DIP2A: variants seen among roughly 807,000 people sequenced by gnomAD.
DIP2A encodes disco-interacting protein 2 homolog A.
Under a neutral mutation model 177.4 loss-of-function variants are expected in DIP2A, and 85 were observed. The ratio of observed to expected loss-of-function variants is 0.48; its 90% CI spans 0.40 to 0.57. DIP2A has a LOEUF of 0.57. Among genes scored for constraint, DIP2A ranks in the 20% least tolerant of loss-of-function variants. DIP2A has a pLI of 0.00. For missense variants in DIP2A, 1,791 were observed against 2,100.2 expected, an observed-to-expected ratio of 0.85 and a Z score of 2.88; for synonymous variants, 886 against 881.8, an observed-to-expected ratio of 1.00 and a Z score of -0.08.
At chr21:46,528,527 C>CTTTTTTTTTTTTTTTTTTTTTTTTTT (rs1162872343) in intron 8 of DIP2A, among the ~76,000 whole-genome samples, 1 of 29,408 alleles carries the variant, frequency 3.4e-5, no homozygotes, top group Non-Finnish European at 5.6e-5. Flanking sequence ...TTTCTGCTTG[C>CTTTTTTTTTTTTTTTTTTTTTTTTTT]TTTTTTTTTT....
At chr21:46,514,776 T>C (rs911057253) in intron 8 of DIP2A, among the ~76,000 whole-genome samples, 4 of 152,084 alleles carry the variant, frequency 2.6e-5, no homozygotes, top group Admixed American at 6.5e-5. Flanking sequence ...TTCTGTAGTT[T>C]TGTTTGCTTG....
At chr21:46,518,729 C>T (rs1352071836) in intron 8 of DIP2A, among the ~76,000 whole-genome samples, 2 of 152,134 alleles carry the variant, frequency 1.3e-5, no homozygotes, top group Non-Finnish European at 2.9e-5. Flanking sequence ...TGGTGGCATG[C>T]GCCTATAGTC....
chr21:46,468,591 T>C (rs1240832808), intron 1 of DIP2A, among the ~76,000 whole-genome samples: 5 of 152,170 alleles, frequency 3.3e-5, no homozygotes, highest in African/African-American at 1.2e-4. Flanking sequence ...GTTTCAGTTA[T>C]ACAGGATGAG....
intron 20 of DIP2A, 102 bp downstream of exon 20, chr21:46,546,063 A>AC: frequency 1.9e-6 from 3 of 1,579,442 alleles, no homozygotes; most frequent in Non-Finnish European, 2.6e-6. Flanking sequence ...GCCGTTCCTG[A>AC]CCTCCCATGT....
In DIP2A at chr21:46,569,387, G is replaced by A. The variant is rs2060919889; in HGVS notation, c.*1765G>A. On this transcript the variant is annotated 3_prime_UTR_variant, in exon 38 of 38. Transcript: ENST00000417564. ...TGGAATTCTAATAATCCTGTTGTAAGTATGTACAGAATCTATGTAACTTAT... is the reference window on the plus strand; with the variant it reads ...TGGAATTCTAATAATCCTGTTGTAAATATGTACAGAATCTATGTAACTTAT... 6.6e-6 allele frequency: 1 copy of A among 151,630 alleles called. No homozygotes were observed. The highest frequency in any genetic ancestry group is 1.5e-5 in the Non-Finnish European group (1 of 67,984). 9.4% of individuals were successfully genotyped at this position (151,630 alleles called of 1,614,324 possible). A position where few individuals can be genotyped will look rare whatever the true frequency, so the allele number is the denominator to read the frequency against.
At chr21:46,581,871 G>A in the DIP2A span, among the ~76,000 whole-genome samples, 23 of 152,288 alleles carry the variant, frequency 1.5e-4, no homozygotes, top group Admixed American at 9.8e-4. Context: ...GAACGCTCCC[G>A]TATAAGATTC....
chr21:46,575,717 G>A, the DIP2A span, among the ~76,000 whole-genome samples: 1 of 152,134 alleles, frequency 6.6e-6, no homozygotes, highest in Non-Finnish European at 1.5e-5. Flanking sequence ...AAAATGAAAA[G>A]TACAAAACAT....
intron 1 of DIP2A, among the ~76,000 whole-genome samples, chr21:46,463,447 A>G (rs942987302): frequency 3.3e-5 from 5 of 152,218 alleles, no homozygotes; most frequent in Non-Finnish European, 5.9e-5. Context: ...AAATTCCTAC[A>G]CAATAGGCTA....
intron 28 of DIP2A, among the ~76,000 whole-genome samples, chr21:46,555,143 G>A (rs1171178231): frequency 6.6e-6 from 1 of 152,188 alleles, no homozygotes; most frequent in Non-Finnish European, 1.5e-5. Context: ...CACAGCAGCC[G>A]CACCCAGTCC....
At chr21:46,571,741 A>G (rs781419429), downstream of DIP2A, among the ~76,000 whole-genome samples, 3 of 152,186 alleles carry the variant, frequency 2.0e-5, no homozygotes, top group Non-Finnish European at 2.9e-5. Flanking sequence ...ATTTTTGCAC[A>G]TTGATTTTGT....
chr21:46,563,155 A>C lies in DIP2A; in HGVS notation c.4090-703A>C, dbSNP rs1432133891. ...GCATCTGGGGAAACAGAACAGTCCC[A>C]CTCCGCCGGGGAGGGTCTGGCGGTA... On this transcript the variant is annotated intron_variant, in intron 34 of 37. Coordinates refer to ENST00000417564, the MANE Select transcript of DIP2A (RefSeq NM_015151.4). This position sits in a 1 kb window ranked among gnomAD's most constrained non-coding sequence, Gnocchi z 4.3. 6.6e-6 allele frequency among the ~76,000 whole-genome samples: 1 copy of C among 151,738 alleles called. No individual in the cohort carries two copies. Among genetic ancestry groups the C allele is most frequent in the Non-Finnish European group, 1.5e-5 (1 of 67,930 alleles).
intron 5 of DIP2A, among the ~76,000 whole-genome samples, chr21:46,501,240 T>C (rs1401436015): frequency 2.6e-5 from 4 of 152,182 alleles, no homozygotes; most frequent in Non-Finnish European, 5.9e-5. Context: ...GTAAAGATAA[T>C]TTTTAAAAAT....
chr21:46,491,437 A>G (rs1007445635), intron 3 of DIP2A, among the ~76,000 whole-genome samples: 1 of 152,220 alleles, frequency 6.6e-6, no homozygotes, highest in East Asian at 1.9e-4. Context: ...AGGGAGTGTA[A>G]AGAAATAGTC....
intron 4 of DIP2A, among the ~76,000 whole-genome samples, chr21:46,497,977 GA>G (rs1390202613): frequency 2.6e-5 from 4 of 152,176 alleles, no homozygotes; most frequent in Non-Finnish European, 4.4e-5. Flanking sequence ...CTGACTTGAA[GA>G]AACCTTAATG....
At chr21:46,519,542 G>C (rs766889755) in intron 8 of DIP2A, among the ~76,000 whole-genome samples, 1 of 152,028 alleles carries the variant, frequency 6.6e-6, no homozygotes, top group East Asian at 1.9e-4. Flanking sequence ...TAACTATTAG[G>C]GTCTTTTATA....
intron 17 of DIP2A, among the ~76,000 whole-genome samples, chr21:46,540,559 C>G (rs1300285939): frequency 2.0e-5 from 3 of 152,140 alleles, no homozygotes. Flanking sequence ...GTTTCCTTTC[C>G]CCTCTTCTCA....
At chr21:46,562,341 G>A (rs1023863354) in intron 34 of DIP2A, among the ~76,000 whole-genome samples, 9 of 152,308 alleles carry the variant, frequency 5.9e-5, no homozygotes, top group Middle Eastern at 3.4e-3. Flanking sequence ...AACCAGGAAG[G>A]GTTCAAAGGA....
chr21:46,550,074 A>G, intron 22 of DIP2A, 189 bp downstream of exon 22: 1 of 1,362,380 alleles, frequency 7.3e-7, no homozygotes, highest in Non-Finnish European at 9.6e-7. Context: ...GTGATGTTAT[A>G]ATTTATGAAT....
At position 46,477,270 on chromosome 21, in the gene DIP2A, C is replaced by T. The variant is rs561828029; in HGVS notation, c.92-7487C>T. ...TTATACGTATATATTTTTATCCAGG[C>T]GTGGTGGCTCACGTCTGTAATCCCA... is the stretch of plus-strand genomic sequence containing the variant. On this transcript the variant is annotated intron_variant, in intron 1 of 37. Coordinates refer to ENST00000417564, the MANE Select transcript of DIP2A (RefSeq NM_015151.4). Among the ~76,000 whole-genome samples the T allele has an allele frequency of 5.9e-5, 9 of 151,936 alleles. No individual in the cohort carries two copies. In the East Asian group the frequency reaches 1.2e-3, roughly 20 times the overall value.
Sources: gnomAD v4.1 joint callset for allele counts (sites outside exome capture counted in the v4.1 genomes callset) on GRCh38, gnomAD v4.1.1 for gene constraint, Gnocchi (gnomAD v3.1) non-coding constraint, MANE v1.5 for transcripts, NCBI Gene and HGNC (gene_info 2026-07-23, HGNC 2026-07-21) for gene names.